The following SLC39A11 variants were observed in gnomAD, a reference collection of about 807,000 sequenced individuals.
The protein encoded by SLC39A11 is solute carrier family 39 member 11, also known as zinc transporter ZIP11.
A neutral mutation model predicts 36.1 loss-of-function variants in SLC39A11; 33 were observed. The observed-to-expected ratio is 0.91, with a 90% confidence interval of 0.69 to 1.22. SLC39A11 has a LOEUF of 1.22. Ranked by LOEUF, SLC39A11 falls within the 50% of genes most tolerant of loss-of-function variation. The pLI is 0.00. For synonymous variants in SLC39A11, 166 were observed against 170.3 expected (o/e 0.97, Z 0.20); for missense variants, 432 against 430.3 (o/e 1.00, Z -0.03).
chr17:73,038,225 A>AAAAC (rs966944965), intron 3 of SLC39A11, among the ~76,000 whole-genome samples: 1 of 152,180 alleles, frequency 6.6e-6, no homozygotes, highest in Non-Finnish European at 1.5e-5. Context: ...AACTGTCTCA[A>AAAAC]AAACAAACAA....
intron 7 of SLC39A11, among the ~76,000 whole-genome samples, chr17:72,726,438 G>T (rs1191472394): frequency 6.6e-6 from 1 of 152,138 alleles, no homozygotes; most frequent in Non-Finnish European, 1.5e-5. Flanking sequence ...TTGAGCCCAG[G>T]AGGTCAAGGC....
intron 6 of SLC39A11, among the ~76,000 whole-genome samples, chr17:72,836,644 G>C (rs868776320): frequency 6.6e-6 from 1 of 152,020 alleles, no homozygotes; most frequent in Non-Finnish European, 1.5e-5. Flanking sequence ...CCTGGTCTTG[G>C]GCTTGATCTT....
At chr17:72,740,314 C>A (rs1205177790) in intron 6 of SLC39A11, among the ~76,000 whole-genome samples, 4 of 152,040 alleles carry the variant, frequency 2.6e-5, no homozygotes, top group Non-Finnish European at 5.9e-5. Context: ...ATCTGCCCAC[C>A]TCAGCCTCCC....
intron 7 of SLC39A11, among the ~76,000 whole-genome samples, chr17:72,704,294 G>A (rs779991786): frequency 1.3e-5 from 2 of 152,134 alleles, no homozygotes; most frequent in Non-Finnish European, 2.9e-5. Flanking sequence ...CAGAGATCTC[G>A]ATTCACTTGT....
intron 7 of SLC39A11, among the ~76,000 whole-genome samples, chr17:72,665,416 A>C (rs1178607851): frequency 3.3e-5 from 1 of 30,160 alleles, no homozygotes; most frequent in Non-Finnish European, 7.0e-5. Flanking sequence ...TTTTTGAGAC[A>C]GGGTCTTGCT....
At chr17:72,889,634 T>C (rs1412057516) in intron 5 of SLC39A11, among the ~76,000 whole-genome samples, 1 of 152,234 alleles carries the variant, frequency 6.6e-6, no homozygotes, top group Non-Finnish European at 1.5e-5. Flanking sequence ...TTGATGCTAG[T>C]GTTGTTGCAT....
At chr17:72,740,266 C>T (rs573097862) in intron 6 of SLC39A11, among the ~76,000 whole-genome samples, 45 of 151,820 alleles carry the variant, frequency 3.0e-4, no homozygotes, top group Non-Finnish European at 4.3e-4. Context: ...GGTTTCACAC[C>T]GTGTTAGCCA....
At chr17:72,834,938 G>A (rs1222717119) in intron 6 of SLC39A11, among the ~76,000 whole-genome samples, 2 of 152,212 alleles carry the variant, frequency 1.3e-5, no homozygotes, top group South Asian at 2.1e-4. Context: ...AGGCATCTGC[G>A]CGTCTGTCGC....
chr17:72,751,873 G>A (rs910887251), intron 6 of SLC39A11, among the ~76,000 whole-genome samples: 2 of 151,660 alleles, frequency 1.3e-5, no homozygotes, highest in African/African-American at 4.8e-5. Flanking sequence ...CACTGCACCC[G>A]GCTCCAGAGC....
At chr17:72,948,948 A>T (rs573001285) in intron 4 of SLC39A11, among the ~76,000 whole-genome samples, 2 of 152,110 alleles carry the variant, frequency 1.3e-5, no homozygotes, top group South Asian at 2.1e-4. Context: ...AATGCACAGG[A>T]TCTCAACAGG....
intron 6 of SLC39A11, among the ~76,000 whole-genome samples, chr17:72,792,299 G>A (rs914019974): frequency 2.6e-5 from 4 of 152,282 alleles, no homozygotes; most frequent in South Asian, 2.1e-4. Context: ...CTTAGTTCCC[G>A]CAGGAGGATG....
rs376241783 is a variant in SLC39A11, at chr17:72,959,323, GTGTATATATATATA to G, written c.307-11462_307-11449del. Among the ~76,000 whole-genome samples, 751 of 81,478 alleles carry G rather than the reference GTGTATATATATATA, an allele frequency of 9.2e-3. 13 individuals carry two copies. The highest frequency in any genetic ancestry group is 0.013 in the Non-Finnish European group (540 of 41,096). 53.5% of individuals were successfully genotyped at this position (81,478 alleles called of 152,430 possible). On this transcript the variant is annotated intron_variant, in intron 4 of 9. Transcript: ENST00000255559. Reference sequence around the variant, plus strand: ...AACTGGTGTATGTATGTGTGTGTGTGTGTATATATATATATATATATATATATATATATATATAT... The same window carrying G: ...AACTGGTGTATGTATGTGTGTGTGTGTATATATATATATATATATATATAT...
intron 5 of SLC39A11, among the ~76,000 whole-genome samples, chr17:72,886,957 T>C (rs2081466919): frequency 6.6e-6 from 1 of 152,226 alleles, no homozygotes. Flanking sequence ...AAACCCATCA[T>C]CTTACAGGGG....
At position 72,808,027 on chromosome 17, in the gene SLC39A11, C is replaced by T. The variant is rs2567492; in HGVS notation, c.601+41607G>A. 4.1e-3 allele frequency among the ~76,000 whole-genome samples: 624 copies of T among 151,754 alleles called. 6 individuals are homozygous for T. Among genetic ancestry groups the T allele is most frequent in the African/African-American group, 0.015 (601 of 41,336 alleles). On this transcript the variant is annotated intron_variant, in intron 6 of 9. Coordinates refer to ENST00000255559, the MANE Select transcript of SLC39A11 (RefSeq NM_139177.4). ...GCACCAAATTGGTGCTCTCAGAAAA[C>T]TAGAGAATTGGTTGTTACAGGAAAA...
At chr17:72,928,580 G>A (rs1332340347) in intron 5 of SLC39A11, among the ~76,000 whole-genome samples, 2 of 152,184 alleles carry the variant, frequency 1.3e-5, no homozygotes, top group African/African-American at 4.8e-5. Flanking sequence ...ACCAGGAAGT[G>A]TAGGCTGTGG....
chr17:72,983,437 C>T (rs2148200691), intron 4 of SLC39A11, among the ~76,000 whole-genome samples: 1 of 152,354 alleles, frequency 6.6e-6, no homozygotes, highest in South Asian at 2.1e-4. Context: ...GTATGAGCCA[C>T]TGTGCCCAGC....
chr17:72,928,033 T>C (rs1361137641), intron 5 of SLC39A11, among the ~76,000 whole-genome samples: 1 of 152,130 alleles, frequency 6.6e-6, no homozygotes. Context: ...CAAATAACAC[T>C]GATTGCTCCA....
chr17:72,825,068 G>A (rs2077960959), intron 6 of SLC39A11, among the ~76,000 whole-genome samples: 1 of 151,356 alleles, frequency 6.6e-6, no homozygotes, highest in African/African-American at 2.4e-5. Flanking sequence ...CAAGACAACA[G>A]GGAAAATGCC....
intron 5 of SLC39A11, among the ~76,000 whole-genome samples, chr17:72,900,134 GAAAGAAAAAGAAAGAAAGA>G: frequency 1.2e-5 from 1 of 83,370 alleles, no homozygotes; most frequent in African/African-American, 7.9e-5. Flanking sequence ...AAGAAAGAAA[GAAAGAAAAAGAAAGAAAGA>G]AAAGAAAGAA....
Sources: allele counts gnomAD v4.1 joint callset (sites outside exome capture counted in the v4.1 genomes callset), GRCh38; gene constraint gnomAD v4.1.1; transcripts MANE v1.5; gene names NCBI Gene and HGNC (gene_info 2026-07-23, HGNC 2026-07-21).